The following CAMTA1 variants were observed in gnomAD, a reference collection of about 807,000 sequenced individuals.
CAMTA1 encodes the protein calmodulin binding transcription activator 1, also known as calmodulin-binding transcription activator 1.
CAMTA1 carries 27 observed loss-of-function variants against 170.9 expected under a neutral mutation model. The ratio of observed to expected loss-of-function variants is 0.16; its 90% CI spans 0.12 to 0.22. The LOEUF (loss-of-function observed/expected upper bound fraction) is 0.22. Ranked by LOEUF, CAMTA1 falls within the 10% of genes least tolerant of loss-of-function variation. The pLI, the probability that CAMTA1 is intolerant of heterozygous loss-of-function variation, is 1.00. For missense variants in CAMTA1, 1,619 were observed against 2,217.2 expected (o/e 0.73, Z 5.42); for synonymous variants, 833 against 891.5 (o/e 0.93, Z 1.17).
At chr1:7,469,174 C>T (rs2093280472) in intron 6 of CAMTA1, among the ~76,000 whole-genome samples, 1 of 152,206 alleles carries the variant, frequency 6.6e-6, no homozygotes, top group Non-Finnish European at 1.5e-5. Context: ...AATACCTCAC[C>T]CTGTCATCAG....
chr1:7,411,280 T>C lies in CAMTA1; in HGVS notation c.439-56550T>C, dbSNP rs531883891. On this transcript the variant is annotated intron_variant, in intron 5 of 22. Coordinates refer to ENST00000303635, the MANE Select transcript of CAMTA1 (RefSeq NM_015215.4). ...GGGCATGAGCAGGGGTCCCCCTCTT[T>C]GGCGCAATGACAGTTCTAGTCCCCG... is the stretch of plus-strand genomic sequence containing the variant. 1.1e-4 allele frequency among the ~76,000 whole-genome samples: 16 copies of C among 152,288 alleles called. 1 individual carries two copies. In the South Asian group the frequency reaches 3.3e-3, roughly 32 times the overall value.
rs553368965 is a variant in CAMTA1 at position 7,067,847 on chromosome 1, G to C, written c.235-23457G>C. On this transcript the variant is annotated intron_variant, in intron 3 of 22. Coordinates refer to ENST00000303635, the MANE Select transcript of CAMTA1 (RefSeq NM_015215.4). The surrounding 1 kb of genome is among the most constrained non-coding windows in gnomAD (Gnocchi z 4.3). ...CTAAGCCCATCATGGTCAGTGATTG[G>C]TTTAGGGGCGGCCTGTAACTCAGTT... Among the ~76,000 whole-genome samples, 17 of 152,332 alleles carry C rather than the reference G, an allele frequency of 1.1e-4. No homozygotes were observed. Among genetic ancestry groups the C allele is most frequent in the Admixed American group, 9.1e-4 (14 of 15,310 alleles).
intron 3 of CAMTA1, among the ~76,000 whole-genome samples, chr1:7,037,062 T>C (rs1703705059): frequency 6.6e-6 from 1 of 152,218 alleles, no homozygotes; most frequent in South Asian, 2.1e-4. Flanking sequence ...CCTTTTGAGT[T>C]TGTTGATGAT....
intron 3 of CAMTA1, among the ~76,000 whole-genome samples, chr1:6,860,123 C>G (rs1184107056): frequency 6.6e-6 from 1 of 151,752 alleles, no homozygotes; most frequent in Non-Finnish European, 1.5e-5. Flanking sequence ...AATATTTCTC[C>G]CTTTAGTCAT....
intron 3 of CAMTA1, among the ~76,000 whole-genome samples, chr1:6,861,734 T>G (rs1168785865): frequency 6.6e-6 from 1 of 152,186 alleles, no homozygotes; most frequent in East Asian, 1.9e-4. Context: ...AAAATATACA[T>G]ATATAAAATT....
intron 4 of CAMTA1, among the ~76,000 whole-genome samples, chr1:7,172,054 C>T (rs763430899): frequency 7.2e-5 from 11 of 152,126 alleles, no homozygotes; most frequent in Admixed American, 7.2e-4. Context: ...TCCATTTTTC[C>T]TTTTCTCTCA....
At chr1:7,070,871 G>GA (rs1638548901) in intron 3 of CAMTA1, among the ~76,000 whole-genome samples, 1 of 152,254 alleles carries the variant, frequency 6.6e-6, no homozygotes, top group African/African-American at 2.4e-5. Context: ...TGGTGCAGGG[G>GA]ACTGGAAAGC....
At chr1:7,268,214 G>T (rs1425243234) in intron 5 of CAMTA1, among the ~76,000 whole-genome samples, 1 of 152,122 alleles carries the variant, frequency 6.6e-6, no homozygotes, top group Non-Finnish European at 1.5e-5. Context: ...AGTTTGGGGA[G>T]GCTGAGACAA....
rs1213241279 is a variant in CAMTA1 at position 7,664,051 on chromosome 1, G to A, written c.1504G>A (p.Gly502Ser). 3.1e-6 allele frequency: 5 copies of A among 1,613,726 alleles called. No individual in the cohort carries two copies. The highest frequency in any genetic ancestry group is 1.7e-6 in the Non-Finnish European group (2 of 1,180,042). ...PKQGQTYGGG[G>S]LKAEMVSSNI... ...GCAGGGCCAGACGTACGGGGGTGGA[G>A]GCCTGAAAGCCGAGATGGTCAGCTC... is the stretch of plus-strand genomic sequence containing the variant. The change falls in exon 9 of 23, where the codon GGC becomes AGC. Residue 502 changes from glycine (G) to serine (S), a missense_variant. Gly to Ser is a moderately conservative substitution (Grantham distance 56, BLOSUM62 0). This residue lies in a region of CAMTA1 where 731 missense variants were observed against 907.6 expected (regional missense o/e 0.81). Coordinates refer to ENST00000303635, the MANE Select transcript of CAMTA1 (RefSeq NM_015215.4).
In CAMTA1 at chr1:7,561,858, G is replaced by A. The variant is rs866633573; in HGVS notation, c.511-78542G>A. On this transcript the variant is annotated intron_variant, in intron 6 of 22. Coordinates refer to ENST00000303635, the MANE Select transcript of CAMTA1 (RefSeq NM_015215.4). The surrounding 1 kb of genome is among the most constrained non-coding windows in gnomAD (Gnocchi z 5.3). ...GAACCCTCATCCCTGCCTGCACGCC[G>A]GCCTGGAGGAGGAAGCCATCCTCGA... Among the ~76,000 whole-genome samples, 22 of 152,052 alleles carry A rather than the reference G, an allele frequency of 1.4e-4. No individual in the cohort carries two copies. The highest frequency in any genetic ancestry group is 8.3e-4 in the South Asian group (4 of 4,820).
chr1:7,298,231 G>A (rs1340334584), intron 5 of CAMTA1, among the ~76,000 whole-genome samples: 1 of 152,140 alleles, frequency 6.6e-6, no homozygotes, highest in Non-Finnish European at 1.5e-5. Context: ...GCGGGGTGTA[G>A]GATTAGCATC....
At chr1:6,877,691 T>TA (rs1571276908) in intron 3 of CAMTA1, among the ~76,000 whole-genome samples, 1 of 152,200 alleles carries the variant, frequency 6.6e-6, no homozygotes, top group East Asian at 1.9e-4. Flanking sequence ...GACTGTCACA[T>TA]ACGCTGGCCA....
chr1:7,454,880 C>T (rs1450379873), intron 5 of CAMTA1, among the ~76,000 whole-genome samples: 1 of 152,078 alleles, frequency 6.6e-6, no homozygotes, highest in Admixed American at 6.5e-5. Context: ...ACAGTGCAGC[C>T]CTTCTTTCTG....
At chr1:7,438,261 A>G (rs1024668764) in intron 5 of CAMTA1, among the ~76,000 whole-genome samples, 1 of 152,142 alleles carries the variant, frequency 6.6e-6, no homozygotes, top group African/African-American at 2.4e-5. Context: ...GGCAAGACGC[A>G]CTGTCCGAGC....
At chr1:6,884,310 AC>A (rs1307112193) in intron 3 of CAMTA1, among the ~76,000 whole-genome samples, 2 of 145,682 alleles carry the variant, frequency 1.4e-5, no homozygotes, top group Non-Finnish European at 3.1e-5. Context: ...ACACACACAC[AC>A]ACACACACAC....
intron 3 of CAMTA1, among the ~76,000 whole-genome samples, chr1:6,981,344 C>CAT (rs151257281): frequency 0.018 from 2,706 of 152,294 alleles, 73 homozygotes; most frequent in African/African-American, 0.062. Flanking sequence ...AATTGCCCCA[C>CAT]ATTTAATCAA....
chr1:7,426,695 G>A lies in CAMTA1; in HGVS notation c.439-41135G>A, dbSNP rs1440416580. ...GCGGGGGAAAGGTGGAGAAAACTTC[G>A]CTCACCGCATTTGGGCAGGAGAAAT... On this transcript the variant is annotated intron_variant, in intron 5 of 22. Coordinates refer to ENST00000303635, the MANE Select transcript of CAMTA1 (RefSeq NM_015215.4). This position sits in a 1 kb window ranked among gnomAD's most constrained non-coding sequence, Gnocchi z 4.8. Among the ~76,000 whole-genome samples, 2 of 147,598 alleles carry A rather than the reference G, an allele frequency of 1.4e-5. No individual in the cohort carries two copies. Among genetic ancestry groups the A allele is most frequent in the African/African-American group, 5.0e-5 (2 of 40,216 alleles).
At chr1:7,230,414 G>A (rs948085113) in intron 4 of CAMTA1, among the ~76,000 whole-genome samples, 5 of 147,506 alleles carry the variant, frequency 3.4e-5, no homozygotes, top group African/African-American at 1.3e-4. Flanking sequence ...ATCTTGGCTG[G>A]GCTGCTGCTC....
chr1:7,466,170 G>A (rs1391970252), intron 5 of CAMTA1, among the ~76,000 whole-genome samples: 5 of 152,160 alleles, frequency 3.3e-5, no homozygotes, highest in Admixed American at 1.3e-4. Flanking sequence ...CTAGACATGC[G>A]TCTCCTTCGG....
Sources: gnomAD v4.1 joint callset for allele counts (sites outside exome capture counted in the v4.1 genomes callset) on GRCh38, gnomAD v4.1.1 for gene constraint, gnomAD v4.1.1 regional missense constraint, Gnocchi (gnomAD v3.1) non-coding constraint, MANE v1.5 for transcripts, NCBI Gene and HGNC (gene_info 2026-07-23, HGNC 2026-07-21) for gene names.